ZMYM4: variants seen among roughly 807,000 people sequenced by gnomAD.
The protein encoded by ZMYM4 is zinc finger MYM-type containing 4, also known as zinc finger MYM-type protein 4.
Under a neutral mutation model 183.2 loss-of-function variants are expected in ZMYM4, and 31 were observed. The ratio of observed to expected loss-of-function variants is 0.17; its 90% confidence interval spans 0.13 to 0.23. ZMYM4 has a LOEUF of 0.23. ZMYM4 is among the 10% of genes least tolerant of loss of function. ZMYM4 has a pLI of 1.00. For missense variants in ZMYM4, 1,273 were observed against 1,840.3 expected (o/e 0.69, Z 5.64); for synonymous variants, 592 against 631.2 (o/e 0.94, Z 0.93).
chr1:35,358,831 A>C lies in ZMYM4; in HGVS notation c.86-94A>C, dbSNP rs7556207. The C allele has an allele frequency of 4.9e-3, 5,432 of 1,113,640 alleles. 181 individuals carry two copies. In the African/African-American group the frequency reaches 0.076, roughly 16 times the overall value. 69.0% of individuals were successfully genotyped at this position (1,113,640 alleles called of 1,614,324 possible). On this transcript the variant is annotated intron_variant, in intron 2 of 29. Transcript: ENST00000314607. The stretch of plus-strand genomic sequence containing the variant: ...TATGGTAATATCTGTATTTTGTTTG[A>C]AAAAATATTTATTTGGTTAAATACC...
At chr1:35,327,676 T>C (rs973932222) in intron 2 of ZMYM4, among the ~76,000 whole-genome samples, 1 of 152,210 alleles carries the variant, frequency 6.6e-6, no homozygotes, top group African/African-American at 2.4e-5. Context: ...TCCAGAAGAA[T>C]CATTTTAGAT....
At chr1:35,331,422 A>G (rs1364271356) in intron 2 of ZMYM4, among the ~76,000 whole-genome samples, 4 of 152,150 alleles carry the variant, frequency 2.6e-5, no homozygotes, top group African/African-American at 2.4e-5. Flanking sequence ...TTTTTGTTTT[A>G]TCTCTGTATT....
intron 1 of ZMYM4, among the ~76,000 whole-genome samples, chr1:35,300,843 A>G (rs1641246126): frequency 6.6e-6 from 1 of 152,098 alleles, no homozygotes; most frequent in Non-Finnish European, 1.5e-5. Context: ...TTAATGGTCT[A>G]CTAGTTTTAT....
chr1:35,392,481 A>T, intron 16 of ZMYM4, 129 bp downstream of exon 16: 1 of 1,338,726 alleles, frequency 7.5e-7, no homozygotes, highest in Non-Finnish European at 1.0e-6. Context: ...GGCTTGCTGC[A>T]CAAGTTTCAT....
intron 2 of ZMYM4, among the ~76,000 whole-genome samples, chr1:35,338,967 A>G (rs1446563649): frequency 1.3e-5 from 2 of 152,228 alleles, no homozygotes; most frequent in Non-Finnish European, 2.9e-5. Flanking sequence ...GAACGATAAT[A>G]AATTTATCAG....
chr1:35,291,905 G>A (rs1247115882), intron 1 of ZMYM4, among the ~76,000 whole-genome samples: 2 of 152,040 alleles, frequency 1.3e-5, no homozygotes, highest in Admixed American at 6.6e-5. Flanking sequence ...AAAGTGCTGG[G>A]ATTACAGGCA....
chr1:35,345,566 G>A (rs1306903178), intron 2 of ZMYM4, among the ~76,000 whole-genome samples: 3 of 151,604 alleles, frequency 2.0e-5, no homozygotes, highest in East Asian at 1.9e-4. Context: ...GCAATTCTCC[G>A]GCCTCAGCTT....
At chr1:35,283,065 C>G (rs1640270405) in intron 1 of ZMYM4, among the ~76,000 whole-genome samples, 4 of 125,122 alleles carry the variant, frequency 3.2e-5, no homozygotes, top group African/African-American at 9.1e-5. Context: ...GTGGTGCCAT[C>G]TCACCACACT....
At position 35,408,344 on chromosome 1, in the gene ZMYM4, A is replaced by G. The variant is rs1427400808; in HGVS notation, c.3948+185A>G. Among the ~76,000 whole-genome samples, 3 of 152,216 alleles carry G rather than the reference A, an allele frequency of 2.0e-5. No homozygotes were observed. The East Asian group carries it at 5.8e-4, about 29-fold the overall frequency. On this transcript the variant is annotated intron_variant, in intron 26 of 29. Coordinates refer to ENST00000314607, the MANE Select transcript of ZMYM4 (RefSeq NM_005095.3). Reference sequence around the variant, plus strand: ...CAAGCTTTGTGGATCAGTCAACTATAATATGTCCATACTGTGGAATACTGT... The same window carrying G: ...CAAGCTTTGTGGATCAGTCAACTATGATATGTCCATACTGTGGAATACTGT...
Position 35,361,656 on chromosome 1 carries a change from G to C in ZMYM4, c.707G>C (p.Gly236Ala). The C allele has an allele frequency of 6.2e-7, 1 of 1,613,510 alleles. No homozygotes were observed. Among genetic ancestry groups the C allele is most frequent in the South Asian group, 1.1e-5 (1 of 90,992 alleles). ...SYPFANKESI[G>A]SELGNSFASN... Reference sequence around the variant, plus strand: ...CCATTTGCCAATAAAGAATCCATTGGTTCGGAACTGGGGAATTCCTTTGCA... The same window carrying C: ...CCATTTGCCAATAAAGAATCCATTGCTTCGGAACTGGGGAATTCCTTTGCA... The change falls in exon 5 of 30, where the codon GGT becomes GCT. Residue 236 changes from glycine (G) to alanine (A), a missense_variant. Gly to Ala is a moderately conservative substitution (Grantham distance 60). Transcript: ENST00000314607.
At chr1:35,322,419 A>AT (rs1044101621) in intron 1 of ZMYM4, among the ~76,000 whole-genome samples, 32 of 146,040 alleles carry the variant, frequency 2.2e-4, no homozygotes, top group African/African-American at 2.7e-4. Flanking sequence ...TAGGGCTTTT[A>AT]TTTTTTTTTC....
In ZMYM4 at chr1:35,387,446, C is replaced by A; in HGVS notation, c.2113-8C>A. 1 of 1,598,688 alleles carries A rather than the reference C, an allele frequency of 6.3e-7. No homozygotes were observed. The highest frequency in any genetic ancestry group is 1.1e-5 in the South Asian group (1 of 87,538). ...TTTAATTAGTACTTAATGATTATTT[C>A]TTTGCAGGGCAAAATGTTTCAGTTC... On this transcript the variant is annotated splice_polypyrimidine_tract_variant and splice_region_variant and intron_variant, in intron 12 of 29. Transcript: ENST00000314607.
At chr1:35,315,253 G>C (rs1037086086) in intron 1 of ZMYM4, among the ~76,000 whole-genome samples, 23 of 151,976 alleles carry the variant, frequency 1.5e-4, no homozygotes, top group African/African-American at 5.6e-4. Flanking sequence ...AACTTCAATA[G>C]AACATTTTTA....
chr1:35,392,167 A>G (rs1558154903), intron 15 of ZMYM4, 45 bp from the exon 16 acceptor site: 2 of 1,612,250 alleles, frequency 1.2e-6, no homozygotes, highest in Non-Finnish European at 8.5e-7. Flanking sequence ...GTGTAAGTAC[A>G]TATAAATCAC....
chr1:35,381,522 G>T, intron 8 of ZMYM4, 24 bp from the exon 9 acceptor site: 1 of 1,613,670 alleles, frequency 6.2e-7, no homozygotes, highest in Non-Finnish European at 8.5e-7. Context: ...CCTTGTTTTT[G>T]TGTTGCTGTT....
chr1:35,407,560 A>G (rs894721793), intron 25 of ZMYM4, among the ~76,000 whole-genome samples: 7 of 152,200 alleles, frequency 4.6e-5, no homozygotes, highest in African/African-American at 1.7e-4. Flanking sequence ...TGTTTTCTGA[A>G]TATCAAATCT....
chr1:35,351,639 TAA>T (rs770029142), intron 2 of ZMYM4: 8 of 606,952 alleles, frequency 1.3e-5, no homozygotes, highest in Non-Finnish European at 2.3e-5. Flanking sequence ...ATTTTTCAGA[TAA>T]AGACAATAAA....
chr1:35,320,596 T>C (rs1159927693), intron 1 of ZMYM4, among the ~76,000 whole-genome samples: 1 of 152,266 alleles, frequency 6.6e-6, no homozygotes, highest in East Asian at 1.9e-4. Flanking sequence ...AGTTACAAGG[T>C]CAAGTCACAG....
intron 2 of ZMYM4, among the ~76,000 whole-genome samples, chr1:35,330,099 C>G (rs1642673561): frequency 1.3e-5 from 2 of 151,872 alleles, no homozygotes; most frequent in Admixed American, 1.3e-4. Context: ...CCTGTAGTCC[C>G]AGCTGCTTGG....
Sources: allele counts gnomAD v4.1 joint callset (sites outside exome capture counted in the v4.1 genomes callset), GRCh38; gene constraint gnomAD v4.1.1; transcripts MANE v1.5; gene names NCBI Gene and HGNC (gene_info 2026-07-23, HGNC 2026-07-21).